ZNF716: variants seen among roughly 807,000 people sequenced by gnomAD.
The protein encoded by ZNF716 is zinc finger protein 716.
Under a neutral mutation model 13.4 loss-of-function variants are expected in ZNF716, and 9 were observed. That is an observed-to-expected ratio of 0.67 (90% confidence interval 0.41 to 1.18). ZNF716 has a LOEUF of 1.18. ZNF716 is among the 50% of genes most tolerant of loss of function. The pLI, the probability that ZNF716 is intolerant of heterozygous loss-of-function variation, is 0.01. For missense variants in ZNF716, 581 were observed against 576.6 expected, an observed-to-expected ratio of 1.01 and a Z score of -0.08; for synonymous variants, 186 against 195.2, an observed-to-expected ratio of 0.95 and a Z score of 0.39.
chr7:57,456,460 T>C (rs1007250189), intron 1 of ZNF716, among the ~76,000 whole-genome samples: 10 of 151,998 alleles, frequency 6.6e-5, no homozygotes, highest in African/African-American at 2.2e-4. Context: ...AGCTCTGAAT[T>C]ATGGTCTGTG....
At chr7:57,450,829 G>C (rs1789473960) in intron 1 of ZNF716, among the ~76,000 whole-genome samples, 1 of 152,072 alleles carries the variant, frequency 6.6e-6, no homozygotes, top group South Asian at 2.1e-4. Context: ...CCATGGGAGA[G>C]ACTTGAAGGA....
At position 57,471,528 on chromosome 7, in the gene ZNF716, T is replaced by C. The variant is rs1789937580; in HGVS notation, c.*1579T>C. ...GACAAACATTAAAACATAAAGAGGA[T>C]TGTGTAGTACCTTTATTTGTATTAC... On this transcript the variant is annotated 3_prime_UTR_variant, in exon 4 of 4. Transcript: ENST00000420713. 1.3e-5 allele frequency: 2 copies of C among 152,094 alleles called. No homozygotes were observed. The highest frequency in any genetic ancestry group is 4.1e-4 in the South Asian group (2 of 4,828). The allele number at this position is 152,094 out of a possible 1,614,324, so 9.4% of individuals were successfully genotyped here.
intron 2 of ZNF716, 88 bp from the exon 3 acceptor site, chr7:57,462,985 T>C: frequency 2.0e-6 from 3 of 1,512,730 alleles, no homozygotes; most frequent in South Asian, 2.5e-5. Flanking sequence ...GAATTTTCTA[T>C]CATATCCTCT....
Position 57,457,535 on chromosome 7 carries a change from G to A in ZNF716, c.40-4925G>A, listed in dbSNP as rs552645206. ...AATTTTTGTATTTTTAATAGAGACA[G>A]GTTTCACAATGGTGGCCAGGCTGGT... is the stretch of plus-strand genomic sequence containing the variant. On this transcript the variant is annotated intron_variant, in intron 1 of 3. Coordinates refer to ENST00000420713, the MANE Select transcript of ZNF716 (RefSeq NM_001159279.1). Among the ~76,000 whole-genome samples the A allele has an allele frequency of 4.6e-5, 7 of 152,238 alleles. No individual in the cohort carries two copies. The East Asian group carries it at 1.2e-3, about 25-fold the overall frequency.
chr7:57,451,867 A>G (rs1562673888), intron 1 of ZNF716, among the ~76,000 whole-genome samples: 1 of 151,710 alleles, frequency 6.6e-6, no homozygotes, highest in African/African-American at 2.4e-5. Flanking sequence ...CCTGGGTTCA[A>G]GTGATTCTCC....
chr7:57,466,773 G>C (rs143474153), intron 3 of ZNF716, among the ~76,000 whole-genome samples: 1 of 151,606 alleles, frequency 6.6e-6, no homozygotes, highest in Non-Finnish European at 1.5e-5. Flanking sequence ...TTTTTTAATT[G>C]ATCTTTTATT....
chr7:57,466,713 G>A (rs1554324189), intron 3 of ZNF716, among the ~76,000 whole-genome samples: 1 of 151,894 alleles, frequency 6.6e-6, no homozygotes, highest in Non-Finnish European at 1.5e-5. Flanking sequence ...ATTTTTTATA[G>A]CAATGCAGAA....
chr7:57,467,904 A>G (rs10264046), intron 3 of ZNF716, among the ~76,000 whole-genome samples: 1,725 of 152,028 alleles, frequency 0.011, 42 homozygotes, highest in African/African-American at 0.039. Context: ...ATAAATCTTT[A>G]GCTTAATAGT....
chr7:57,450,312 T>C lies in ZNF716; in HGVS notation c.24T>C (p.Pro8=). 1 of 1,613,828 alleles carries C rather than the reference T, an allele frequency of 6.2e-7. No individual in the cohort carries two copies. Among genetic ancestry groups the C allele is most frequent in the Non-Finnish European group, 8.5e-7 (1 of 1,179,926 alleles). Residue 8 remains proline, a synonymous_variant, in exon 1 of 4, where the codon CCT becomes CCC. Coordinates refer to ENST00000420713, the MANE Select transcript of ZNF716 (RefSeq NM_001159279.1). ...TTATGGCTAAAAGACCGGGACCCCC[T>C]GGAAGCCGAGAAATGGTGAGTGCTG... MAKRPGP[P]GSREMGLLTF... is the part of the protein sequence containing the mutation.
rs111884138 is a variant in ZNF716 at position 57,460,108 on chromosome 7, C to G, written c.40-2352C>G. Among the ~76,000 whole-genome samples the G allele has an allele frequency of 7.5e-3, 1,134 of 152,194 alleles. 13 individuals are homozygous for G. Among genetic ancestry groups the G allele is most frequent in the African/African-American group, 0.026 (1,082 of 41,508 alleles). Reference sequence around the variant, plus strand: ...TCTCAGATCAAGAGCAGCATTCAGGCCGGGTGCGGTGGCTCACGCCTGTAA... The same window carrying G: ...TCTCAGATCAAGAGCAGCATTCAGGGCGGGTGCGGTGGCTCACGCCTGTAA... On this transcript the variant is annotated intron_variant, in intron 1 of 3. Transcript: ENST00000420713.
intron 3 of ZNF716, among the ~76,000 whole-genome samples, chr7:57,464,100 A>G (rs1416775193): frequency 7.2e-6 from 1 of 139,546 alleles, no homozygotes; most frequent in Non-Finnish European, 1.6e-5. Flanking sequence ...AGGTAGTTCA[A>G]TCATTTGTCC....
At position 57,471,872 on chromosome 7, in the gene ZNF716, C is replaced by T. The variant is rs1789944253; in HGVS notation, c.*1923C>T. 6.6e-6 allele frequency: 1 copy of T among 151,964 alleles called. No individual in the cohort carries two copies. Among genetic ancestry groups the T allele is most frequent in the Non-Finnish European group, 1.5e-5 (1 of 67,988 alleles). 9.4% of individuals were successfully genotyped at this position (151,964 alleles called of 1,614,324 possible). On this transcript the variant is annotated 3_prime_UTR_variant, in exon 4 of 4. Transcript: ENST00000420713. ...GAGTGTAAAAAAGATATAAATCTAACAATATAAATTTAAAGAAGTAGATTT... is the reference window on the plus strand; with the variant it reads ...GAGTGTAAAAAAGATATAAATCTAATAATATAAATTTAAAGAAGTAGATTT...
chr7:57,456,793 A>T (rs187192069), intron 1 of ZNF716, among the ~76,000 whole-genome samples: 116 of 151,934 alleles, frequency 7.6e-4, no homozygotes, highest in Admixed American at 3.1e-3. Flanking sequence ...GTGTCAGAAA[A>T]GAGATATTAC....
chr7:57,459,377 T>G (rs1789665694), intron 1 of ZNF716, among the ~76,000 whole-genome samples: 2 of 128,600 alleles, frequency 1.6e-5, no homozygotes, highest in South Asian at 5.4e-4. Context: ...CTCTGTAAAC[T>G]TAAAAAAGCC....
Position 57,468,743 on chromosome 7 carries a change from C to T in ZNF716, c.282C>T (p.Thr94=), listed in dbSNP as rs1175837606. The T allele has an allele frequency of 1.9e-6, 3 of 1,609,632 alleles. No homozygotes were observed. Among genetic ancestry groups the T allele is most frequent in the Non-Finnish European group, 2.5e-6 (3 of 1,178,724 alleles). The change falls in exon 4 of 4, where the codon ACC becomes ACT. Residue 94 remains threonine, a synonymous_variant. Transcript: ENST00000420713. ...AKHPVTCSHF[T]QDLQSEQGIK... ...TTTCAGTTACATGTTCTCATTTCAC[C>T]CAAGACCTTCAGTCAGAGCAGGGCA...
intron 2 of ZNF716, among the ~76,000 whole-genome samples, chr7:57,462,831 A>T (rs540192046): frequency 3.9e-5 from 6 of 152,320 alleles, no homozygotes; most frequent in African/African-American, 1.4e-4. Flanking sequence ...GTGGCATAAA[A>T]TATCATTGCC....
intron 1 of ZNF716, among the ~76,000 whole-genome samples, chr7:57,453,362 C>T (rs1554321782): frequency 6.6e-6 from 1 of 152,154 alleles, no homozygotes; most frequent in Admixed American, 6.6e-5. Flanking sequence ...TCAGACATGT[C>T]TGTTCCAATC....
Position 57,468,866 on chromosome 7 carries a change from T to A in ZNF716, c.405T>A (p.Cys135Ter). ...VKKCCKSVGE[C>*]EVHKGGYNYV... ...AATGCTGTAAAAGTGTAGGTGAGTG[T>A]GAGGTGCACAAAGGAGGTTATAATT... The change falls in exon 4 of 4, where the codon TGT becomes TGA. Residue 135 changes from cysteine to a stop codon, truncating the protein, a stop_gained. Coordinates refer to ENST00000420713, the MANE Select transcript of ZNF716 (RefSeq NM_001159279.1). LOFTEE classifies it low-confidence loss of function (END_TRUNC). 1.2e-6 allele frequency: 2 copies of A among 1,613,678 alleles called. No homozygotes were observed. The highest frequency in any genetic ancestry group is 2.2e-5 in the South Asian group (2 of 91,076).
intron 1 of ZNF716, among the ~76,000 whole-genome samples, chr7:57,459,843 T>C (rs1789675311): frequency 1.3e-5 from 2 of 152,260 alleles, no homozygotes; most frequent in South Asian, 4.2e-4. Context: ...GAGAAGCTTG[T>C]TCTTCTCTCA....
Sources: gnomAD v4.1 joint callset for allele counts (sites outside exome capture counted in the v4.1 genomes callset) on GRCh38, gnomAD v4.1.1 for gene constraint, MANE v1.5 for transcripts, NCBI Gene and HGNC (gene_info 2026-07-23, HGNC 2026-07-21) for gene names.